PACS1: variants seen among roughly 807,000 people sequenced by gnomAD.
PACS1 encodes the protein PACS-1.
PACS1 carries 24 observed loss-of-function variants against 115.0 expected under a neutral mutation model. The observed-to-expected ratio is 0.21, with a 90% CI of 0.15 to 0.29. PACS1 has a LOEUF of 0.29. Among genes scored for constraint, PACS1 ranks in the 10% least tolerant of loss-of-function variants. The pLI is 1.00. For synonymous variants in PACS1, 453 were observed against 504.5 expected (o/e 0.90, Z 1.37); for missense variants, 838 against 1,251.2 (o/e 0.67, Z 4.98).
intron 1 of PACS1, among the ~76,000 whole-genome samples, chr11:66,146,628 T>C (rs1309068175): frequency 6.6e-6 from 1 of 152,078 alleles, no homozygotes; most frequent in African/African-American, 2.4e-5. Context: ...AGAAAAAAAA[T>C]GTATGAAGTA....
intron 1 of PACS1, among the ~76,000 whole-genome samples, chr11:66,107,530 C>T (rs997650579): frequency 6.6e-6 from 1 of 152,174 alleles, no homozygotes; most frequent in Non-Finnish European, 1.5e-5. Flanking sequence ...GTTCTATCCC[C>T]AGTGGTTAGA....
chr11:66,159,863 T>C (rs1165496199), intron 1 of PACS1, among the ~76,000 whole-genome samples: 2 of 152,206 alleles, frequency 1.3e-5, no homozygotes, highest in Non-Finnish European at 2.9e-5. Flanking sequence ...GAGAAAATAT[T>C]CTGCATTCGT....
At chr11:66,089,608 C>T (rs1213941727) in intron 1 of PACS1, among the ~76,000 whole-genome samples, 2 of 152,028 alleles carry the variant, frequency 1.3e-5, no homozygotes, top group East Asian at 1.9e-4. Context: ...ATCTTCTCCT[C>T]GAAATAGAAA....
intron 1 of PACS1, among the ~76,000 whole-genome samples, chr11:66,120,681 T>C (rs979210867): frequency 2.6e-5 from 4 of 152,214 alleles, no homozygotes; most frequent in African/African-American, 4.8e-5. Context: ...GATCTTGGCC[T>C]TCCATTTCCT....
At chr11:66,167,480 A>G (rs750100254) in intron 1 of PACS1, among the ~76,000 whole-genome samples, 7 of 149,666 alleles carry the variant, frequency 4.7e-5, no homozygotes, top group Middle Eastern at 3.4e-3. Context: ...AATTACAGGC[A>G]TGAGCTACCA....
intron 1 of PACS1, among the ~76,000 whole-genome samples, chr11:66,073,571 A>G (rs1857346577): frequency 6.6e-6 from 1 of 152,180 alleles, no homozygotes; most frequent in South Asian, 2.1e-4. Context: ...CGTTTCCTGT[A>G]TTAGATATTT....
At chr11:66,221,530 C>T in intron 10 of PACS1, 1 of 363,944 alleles carries the variant, frequency 2.7e-6, no homozygotes, top group South Asian at 3.5e-5. Context: ...CCTGTAGTCC[C>T]AGCTACTCAG....
At chr11:66,145,906 A>G (rs1487860554) in intron 1 of PACS1, among the ~76,000 whole-genome samples, 1 of 152,210 alleles carries the variant, frequency 6.6e-6, no homozygotes, top group Non-Finnish European at 1.5e-5. Flanking sequence ...AAAAAGAAGA[A>G]AAGAAACTGA....
intron 1 of PACS1, among the ~76,000 whole-genome samples, chr11:66,183,160 C>T (rs1860045276): frequency 6.6e-6 from 1 of 151,812 alleles, no homozygotes. Context: ...ATAAATAATG[C>T]CTTAGTTCAT....
chr11:66,076,761 G>T (rs1368672130), intron 1 of PACS1, among the ~76,000 whole-genome samples: 1 of 152,216 alleles, frequency 6.6e-6, no homozygotes, highest in East Asian at 1.9e-4. Context: ...CTGAAATTTG[G>T]TGTTGGCCTG....
chr11:66,232,907 A>G, intron 14 of PACS1, 53 bp from the exon 15 acceptor site: 2 of 1,339,336 alleles, frequency 1.5e-6, no homozygotes, highest in Non-Finnish European at 2.1e-6. Flanking sequence ...GGCCCTTGTG[A>G]AGGAGTGATG....
intron 1 of PACS1, among the ~76,000 whole-genome samples, chr11:66,188,652 C>A (rs1854443545): frequency 6.6e-6 from 1 of 152,162 alleles, no homozygotes; most frequent in East Asian, 1.9e-4. Flanking sequence ...TGAGAAGCGC[C>A]CACCAGTGAA....
chr11:66,215,091 C>T (rs1324868308), intron 4 of PACS1, among the ~76,000 whole-genome samples: 4 of 151,910 alleles, frequency 2.6e-5, no homozygotes, highest in Non-Finnish European at 5.9e-5. Flanking sequence ...CACCACCACA[C>T]CTGGCTAATT....
intron 22 of PACS1, among the ~76,000 whole-genome samples, chr11:66,242,635 A>AGGACTTCAGAGACCATCTGGACC (rs1855837992): frequency 6.6e-6 from 1 of 152,132 alleles, no homozygotes; most frequent in African/African-American, 2.4e-5. Flanking sequence ...CCAGCTGGAA[A>AGGACTTCAGAGACCATCTGGACC]GGACTTCAGA....
At chr11:66,176,839 T>C (rs1859876023) in intron 1 of PACS1, among the ~76,000 whole-genome samples, 1 of 152,176 alleles carries the variant, frequency 6.6e-6, no homozygotes, top group African/African-American at 2.4e-5. Context: ...CTCCGACTCA[T>C]CCTTATTTTC....
At chr11:66,103,916 C>G (rs1286803915) in intron 1 of PACS1, among the ~76,000 whole-genome samples, 3 of 152,134 alleles carry the variant, frequency 2.0e-5, no homozygotes, top group African/African-American at 7.2e-5. Flanking sequence ...GCTGTTTTAT[C>G]TGTGCCCCCA....
chr11:66,192,120 C>T lies in PACS1; in HGVS notation c.357-1366C>T, dbSNP rs767792366. On this transcript the variant is annotated intron_variant, in intron 1 of 23. Transcript: ENST00000320580. ...GTCCTCCTTTAAAAAAAAAACAAAA[C>T]ATGAATTATATTAATTTCTTCACAT... Among the ~76,000 whole-genome samples, 69 of 151,704 alleles carry T rather than the reference C, an allele frequency of 4.5e-4. 1 individual carries two copies. The highest frequency in any genetic ancestry group is 5.9e-5 in the Non-Finnish European group (4 of 67,916).
chr11:66,218,084 G>A (rs1316341080), intron 7 of PACS1: 4 of 153,106 alleles, frequency 2.6e-5, no homozygotes, highest in Non-Finnish European at 5.8e-5. Flanking sequence ...CTGTGCATGC[G>A]CATTCTTCTC....
chr11:66,156,207 TATATA>T (rs1859351184), intron 1 of PACS1, among the ~76,000 whole-genome samples: 25 of 2,112 alleles, frequency 0.012, no homozygotes, highest in African/African-American at 0.021. Context: ...TTTTAAATTA[TATATA>T]TATATATATA....
Sources: allele counts gnomAD v4.1 joint callset (sites outside exome capture counted in the v4.1 genomes callset), GRCh38; gene constraint gnomAD v4.1.1; transcripts MANE v1.5; gene names NCBI Gene and HGNC (gene_info 2026-07-23, HGNC 2026-07-21).